ZNF577: variants seen among roughly 807,000 people sequenced by gnomAD.
ZNF577 encodes the protein zinc finger protein 577.
A neutral mutation model predicts 13.9 loss-of-function variants in ZNF577; 14 were observed. The observed-to-expected ratio is 1.00, with a 90% CI of 0.66 to 1.57. The LOEUF (loss-of-function observed/expected upper bound fraction) is 1.57. ZNF577 is among the 40% of genes most tolerant of loss of function. The pLI is 0.00. For missense variants in ZNF577, 555 were observed against 579.2 expected, an observed-to-expected ratio of 0.96 and a Z score of 0.43; for synonymous variants, 203 against 202.9, an observed-to-expected ratio of 1.00 and a Z score of 0.00.
Position 51,868,152 on chromosome 19 carries a change from C to A in ZNF577, c.*4380G>T, listed in dbSNP as rs1349636296. On this transcript the variant is annotated 3_prime_UTR_variant, in exon 6 of 6. Coordinates refer to ENST00000638348, the MANE Select transcript of ZNF577 (RefSeq NM_001370449.1). ...TCAAATTTCTTTATACATAAATCAT[C>A]TTCCCACTTGTAATAGAAGTTCTTT... 6.6e-6 allele frequency among the ~76,000 whole-genome samples: 1 copy of A among 152,178 alleles called. No homozygotes were observed. The highest frequency in any genetic ancestry group is 1.5e-5 in the Non-Finnish European group (1 of 68,028).
At chr19:51,825,136 T>C (rs553121252) in intron 9 of ZNF577, 2 of 257,706 alleles carry the variant, frequency 7.8e-6, no homozygotes, top group Admixed American at 5.1e-5. Context: ...CCAGCTTCAA[T>C]CAGGGTTCCC....
chr19:51,844,039 T>C (rs1253525052), intron 6 of ZNF577, among the ~76,000 whole-genome samples: 1 of 147,146 alleles, frequency 6.8e-6, no homozygotes, highest in Non-Finnish European at 1.5e-5. Context: ...AGATACTCGA[T>C]AGCCACTACA....
chr19:51,838,800 C>T (rs2084303065), intron 9 of ZNF577, among the ~76,000 whole-genome samples: 1 of 151,780 alleles, frequency 6.6e-6, no homozygotes, highest in African/African-American at 2.4e-5. Context: ...TTTACTATTA[C>T]TGCCTGGTTT....
In ZNF577 at chr19:51,869,623, TTTC is replaced by T. The variant is rs1377242612; in HGVS notation, c.*2906_*2908del. On this transcript the variant is annotated 3_prime_UTR_variant, in exon 6 of 6. Coordinates refer to ENST00000638348, the MANE Select transcript of ZNF577 (RefSeq NM_001370449.1). Reference sequence around the variant, plus strand: ...TTCTCTACTTTGTCTCTGTGTCTTATTTCTTATTTCTTTTCTCAGTCTCTCGTC... The same window carrying T: ...TTCTCTACTTTGTCTCTGTGTCTTATTTATTTCTTTTCTCAGTCTCTCGTC... Among the ~76,000 whole-genome samples the T allele has an allele frequency of 7.5e-6, 1 of 133,016 alleles. No individual in the cohort carries two copies. The highest frequency in any genetic ancestry group is 2.5e-5 in the African/African-American group (1 of 39,994). The allele number at this position is 133,016 out of a possible 152,430, so 87.3% of individuals were successfully genotyped here. A position where few individuals can be genotyped will look rare whatever the true frequency, so the allele number is the denominator to read the frequency against.
intron 5 of ZNF577, among the ~76,000 whole-genome samples, chr19:51,857,420 A>AAGAAAGAAAG (rs1555745880): frequency 3.3e-5 from 4 of 121,444 alleles, no homozygotes; most frequent in African/African-American, 1.1e-4. Context: ...GAAAGAAAGA[A>AAGAAAGAAAG]AGAAAGAAAA....
intron 9 of ZNF577, among the ~76,000 whole-genome samples, chr19:51,833,498 C>T (rs1354369352): frequency 6.6e-6 from 1 of 152,120 alleles, no homozygotes; most frequent in Non-Finnish European, 1.5e-5. Context: ...GAGCTGTTTG[C>T]AAAAGCTAGT....
chr19:51,878,228 G>T, intron 4 of ZNF577, 161 bp downstream of exon 4: 3 of 699,414 alleles, frequency 4.3e-6, no homozygotes, highest in Non-Finnish European at 6.5e-6. Flanking sequence ...TGAACTGCAC[G>T]CTTATGGTTA....
chr19:51,877,195 A>C, intron 5 of ZNF577, 87 bp downstream of exon 5: 1 of 1,186,922 alleles, frequency 8.4e-7, no homozygotes, highest in Non-Finnish European at 1.2e-6. Context: ...AGTCCTCTAA[A>C]GAACACTTTA....
intron 5 of ZNF577, among the ~76,000 whole-genome samples, chr19:51,847,715 G>A (rs1429366443): frequency 6.6e-6 from 1 of 152,118 alleles, no homozygotes; most frequent in Non-Finnish European, 1.5e-5. Flanking sequence ...ACCCCAGATG[G>A]TACTCATCAG....
chr19:51,826,387 T>C (rs752581034), intron 9 of ZNF577, among the ~76,000 whole-genome samples: 2 of 152,250 alleles, frequency 1.3e-5, no homozygotes, highest in Non-Finnish European at 2.9e-5. Context: ...GTTAAACATT[T>C]AGAAAAATTT....
At chr19:51,828,696 G>A (rs1269994124) in intron 9 of ZNF577, among the ~76,000 whole-genome samples, 3 of 152,120 alleles carry the variant, frequency 2.0e-5, no homozygotes, top group Admixed American at 6.5e-5. Flanking sequence ...ACTTCCCAAT[G>A]TATGTCCATG....
At chr19:51,809,105 G>T (rs931779175) in intron 10 of ZNF577, among the ~76,000 whole-genome samples, 4 of 152,172 alleles carry the variant, frequency 2.6e-5, no homozygotes, top group Non-Finnish European at 5.9e-5. Flanking sequence ...GATATCTCAT[G>T]TTCTTCAACA....
intron 5 of ZNF577, among the ~76,000 whole-genome samples, chr19:51,851,770 A>G (rs559621872): frequency 6.6e-6 from 1 of 152,292 alleles, no homozygotes; most frequent in South Asian, 2.1e-4. Flanking sequence ...GGGTCTCCCA[A>G]TGCCAAGATC....
chr19:51,880,123 G>C (rs1201342598), intron 3 of ZNF577, among the ~76,000 whole-genome samples, 200 bp downstream of exon 3: 3 of 152,064 alleles, frequency 2.0e-5, no homozygotes, highest in Non-Finnish European at 4.4e-5. Context: ...TATTTTCAAG[G>C]CACGCTATTT....
chr19:51,852,744 G>C (rs1282320249), intron 5 of ZNF577, among the ~76,000 whole-genome samples: 1 of 152,174 alleles, frequency 6.6e-6, no homozygotes, highest in African/African-American at 2.4e-5. Context: ...TCCATTGCTT[G>C]ATCTGAGTGG....
chr19:51,816,277 C>T (rs1222539706), intron 9 of ZNF577, among the ~76,000 whole-genome samples: 1 of 152,172 alleles, frequency 6.6e-6, no homozygotes, highest in East Asian at 1.9e-4. Flanking sequence ...GACAGAATCT[C>T]ACTCTATTGC....
chr19:51,806,879 A>G (rs1184108503), intron 10 of ZNF577, among the ~76,000 whole-genome samples: 2 of 152,268 alleles, frequency 1.3e-5, no homozygotes, highest in African/African-American at 4.8e-5. Flanking sequence ...AATTTACAAC[A>G]TAAGCTGAAC....
chr19:51,825,063 C>T, intron 9 of ZNF577: 1 of 402,272 alleles, frequency 2.5e-6, no homozygotes. Context: ...GGCTCATTCC[C>T]CAAGTCTGCT....
At chr19:51,847,943 C>T (rs1238042824) in intron 5 of ZNF577, among the ~76,000 whole-genome samples, 1 of 152,218 alleles carries the variant, frequency 6.6e-6, no homozygotes, top group African/African-American at 2.4e-5. Flanking sequence ...GATCCATCTA[C>T]AGACGCGGAT....
Sources: allele counts gnomAD v4.1 joint callset (sites outside exome capture counted in the v4.1 genomes callset), GRCh38; gene constraint gnomAD v4.1.1; transcripts MANE v1.5; gene names NCBI Gene and HGNC (gene_info 2026-07-23, HGNC 2026-07-21).